Variants in NUBPL observed in about 807,000 individuals in gnomAD.
NUBPL encodes the protein iron-sulfur cluster transfer protein NUBPL.
Under a neutral mutation model 45.7 loss-of-function variants are expected in NUBPL, and 31 were observed. The observed-to-expected ratio is 0.68, with a 90% CI of 0.51 to 0.92. The LOEUF (loss-of-function observed/expected upper bound fraction) is 0.92, where lower values mean the gene tolerates loss of function less well. Ranked by LOEUF, NUBPL falls within the 40% of genes least tolerant of loss-of-function variation. The pLI is 0.00. For missense variants in NUBPL, 401 were observed against 398.7 expected, an observed-to-expected ratio of 1.01 and a Z score of -0.05; for synonymous variants, 144 against 140.9, an observed-to-expected ratio of 1.02 and a Z score of -0.15.
At chr14:31,822,244 T>C (rs2040029869) in intron 7 of NUBPL, among the ~76,000 whole-genome samples, 1 of 152,190 alleles carries the variant, frequency 6.6e-6, no homozygotes, top group Non-Finnish European at 1.5e-5. Flanking sequence ...TACCCCATTT[T>C]ACATGATGTG....
rs759141485 is a variant in NUBPL at position 31,562,099 on chromosome 14, A to G, written c.140A>G (p.Gln47Arg). 2.7e-5 allele frequency: 44 copies of G among 1,610,694 alleles called. No homozygotes were observed. Among genetic ancestry groups the G allele is most frequent in the African/African-American group, 1.3e-5 (1 of 74,760 alleles). ...GGCGCCGGGAGTGAGACCCTAAAACAAAGAAGAACACAAATCATGTCCCGA... is the reference window on the plus strand; with the variant it reads ...GGCGCCGGGAGTGAGACCCTAAAACGAAGAAGAACACAAATCATGTCCCGA... Reference protein sequence around the residue: ...LSGAGSETLKQRRTQIMSRGL... With the variant: ...LSGAGSETLKRRRTQIMSRGL... Residue 47 changes from glutamine (Q) to arginine (R), a missense_variant, in exon 2 of 11, where the codon CAA becomes CGA. Physicochemically the swap from Gln to Arg is conservative, Grantham distance 43 (BLOSUM62 1). Coordinates refer to ENST00000281081, the MANE Select transcript of NUBPL (RefSeq NM_025152.3).
rs960108878 is a variant in NUBPL, at chr14:31,750,268, G to A, written c.514-37512G>A. Among the ~76,000 whole-genome samples, 24 of 150,212 alleles carry A rather than the reference G, an allele frequency of 1.6e-4. 1 individual carries two copies. The highest frequency in any genetic ancestry group is 9.9e-4 in the Admixed American group (15 of 15,158). On this transcript the variant is annotated intron_variant, in intron 6 of 10. Transcript: ENST00000281081. Reference sequence around the variant, plus strand: ...CGGCTCACTGCAAGCTCCGCCTCCCGGGTTCACGCCATTCTCCTGCCTCAG... The same window carrying A: ...CGGCTCACTGCAAGCTCCGCCTCCCAGGTTCACGCCATTCTCCTGCCTCAG...
chr14:31,757,440 A>G (rs531317558), intron 6 of NUBPL, among the ~76,000 whole-genome samples: 5,793 of 150,490 alleles, frequency 0.038, 287 homozygotes, highest in African/African-American at 0.11. Context: ...GAGGGTGTAT[A>G]TGTTGAGGAA....
At chr14:31,660,831 AGTACATG>A (rs2036250821) in intron 4 of NUBPL, among the ~76,000 whole-genome samples, 1 of 152,214 alleles carries the variant, frequency 6.6e-6, no homozygotes, top group African/African-American at 2.4e-5. Context: ...GCTAATACCA[AGTACATG>A]GTGACATCTA....
At chr14:31,804,712 CT>C (rs1223621137) in intron 7 of NUBPL, among the ~76,000 whole-genome samples, 2 of 152,150 alleles carry the variant, frequency 1.3e-5, no homozygotes, top group African/African-American at 4.8e-5. Context: ...ATCAATGTTG[CT>C]GGGATAACTG....
intron 6 of NUBPL, among the ~76,000 whole-genome samples, chr14:31,700,991 T>C (rs2037324337): frequency 6.6e-6 from 1 of 152,164 alleles, no homozygotes; most frequent in South Asian, 2.1e-4. Flanking sequence ...CAGGATCCAC[T>C]AGACAAAGCC....
At chr14:31,807,400 G>A (rs1337366916) in intron 7 of NUBPL, among the ~76,000 whole-genome samples, 2 of 152,070 alleles carry the variant, frequency 1.3e-5, no homozygotes, top group Non-Finnish European at 2.9e-5. Context: ...TCATGTGTCT[G>A]TTGGCTGCAT....
intron 7 of NUBPL, among the ~76,000 whole-genome samples, chr14:31,814,573 G>A (rs1262153161): frequency 6.7e-6 from 1 of 149,496 alleles, no homozygotes; most frequent in African/African-American, 2.5e-5. Flanking sequence ...TTTTTTTTTT[G>A]CCATTGCTTT....
intron 6 of NUBPL, among the ~76,000 whole-genome samples, chr14:31,685,342 T>C (rs1055140735): frequency 6.6e-6 from 1 of 151,988 alleles, no homozygotes; most frequent in African/African-American, 2.4e-5. Flanking sequence ...ATTATAGGGG[T>C]TTAAGAATAC....
intron 6 of NUBPL, among the ~76,000 whole-genome samples, chr14:31,693,985 G>A (rs1166635443): frequency 4.7e-5 from 7 of 150,312 alleles, no homozygotes; most frequent in South Asian, 2.1e-4. Context: ...CCTCCTGAGT[G>A]GCTGGGATTA....
At chr14:31,636,991 A>G (rs541801248) in intron 4 of NUBPL, among the ~76,000 whole-genome samples, 15 of 151,818 alleles carry the variant, frequency 9.9e-5, no homozygotes, top group South Asian at 8.3e-4. Flanking sequence ...TTTTTTCTGT[A>G]TTAGTCTTGC....
Position 31,855,933 on chromosome 14 carries a change from C to T in NUBPL, c.898-3185C>T, listed in dbSNP as rs139214061. ...AAGTCGGGATAATGATAGAATTTAC[C>T]CCCAGAGTAACTGTGAAGATAAATA... On this transcript the variant is annotated intron_variant, in intron 10 of 10. Transcript: ENST00000281081. Among the ~76,000 whole-genome samples the T allele has an allele frequency of 1.9e-3, 294 of 152,078 alleles. 2 individuals are homozygous for T. Among genetic ancestry groups the T allele is most frequent in the African/African-American group, 6.8e-3 (283 of 41,476 alleles).
chr14:31,832,157 G>GAA (rs2040203506), intron 8 of NUBPL, among the ~76,000 whole-genome samples: 2 of 152,186 alleles, frequency 1.3e-5, no homozygotes, highest in Non-Finnish European at 2.9e-5. Context: ...TAGATGAACA[G>GAA]ATAAGCAGAG....
chr14:31,590,655 T>C (rs2034118220), intron 3 of NUBPL, among the ~76,000 whole-genome samples: 1 of 152,226 alleles, frequency 6.6e-6, no homozygotes, highest in Non-Finnish European at 1.5e-5. Flanking sequence ...CAGTACTTTA[T>C]TTGTTTGGGG....
At chr14:31,621,174 G>A (rs1416812039) in intron 4 of NUBPL, among the ~76,000 whole-genome samples, 1 of 152,180 alleles carries the variant, frequency 6.6e-6, no homozygotes, top group African/African-American at 2.4e-5. Flanking sequence ...AGACTGCTGT[G>A]CTGGCATGAG....
At chr14:31,751,636 A>G (rs2038531848) in intron 6 of NUBPL, among the ~76,000 whole-genome samples, 1 of 152,240 alleles carries the variant, frequency 6.6e-6, no homozygotes, top group Non-Finnish European at 1.5e-5. Flanking sequence ...GCTGGCATTG[A>G]GTGCCTGTGG....
chr14:31,722,593 G>A (rs1028397511), intron 6 of NUBPL, among the ~76,000 whole-genome samples: 4 of 152,030 alleles, frequency 2.6e-5, no homozygotes, highest in Admixed American at 6.6e-5. Flanking sequence ...CCGCTACTTC[G>A]CCAGTATCTG....
chr14:31,784,740 A>T (rs1277790759), intron 6 of NUBPL, among the ~76,000 whole-genome samples: 1 of 152,166 alleles, frequency 6.6e-6, no homozygotes, highest in Non-Finnish European at 1.5e-5. Context: ...TCATTTCATC[A>T]GTCTATTAAA....
chr14:31,655,176 A>G (rs2036111779), intron 4 of NUBPL, among the ~76,000 whole-genome samples: 1 of 152,244 alleles, frequency 6.6e-6, no homozygotes, highest in Admixed American at 6.5e-5. Context: ...CATCTAGAAT[A>G]ATGAATCCTT....
Sources: allele counts gnomAD v4.1 joint callset (sites outside exome capture counted in the v4.1 genomes callset), GRCh38; gene constraint gnomAD v4.1.1; transcripts MANE v1.5; gene names NCBI Gene and HGNC (gene_info 2026-07-23, HGNC 2026-07-21).